The following OR5AN1 variants were observed in gnomAD, a reference collection of about 807,000 sequenced individuals.
OR5AN1 encodes the protein olfactory receptor 5AN1.
For missense variants in OR5AN1, 476 were observed against 368.9 expected (o/e 1.29, Z -2.38); for synonymous variants, 167 against 131.8 (o/e 1.27, Z -1.83).
rs1180868361 is a variant in OR5AN1 at position 59,358,964 on chromosome 11, A to G, written c.-322A>G. 6.6e-6 allele frequency: 1 copy of G among 152,216 alleles called. No homozygotes were observed. The highest frequency in any genetic ancestry group is 1.5e-5 in the Non-Finnish European group (1 of 68,034). The allele number at this position is 152,216 out of a possible 1,614,324, so 9.4% of individuals were successfully genotyped here. The stretch of plus-strand genomic sequence containing the variant: ...GCCCATCTTGGAGTGTGATACGCCC[A>G]CCTGAAAAATTCCATTGGAAAAGAA... On this transcript the variant is annotated 5_prime_UTR_variant, in exon 1 of 2. Transcript: ENST00000641998.
intron 1 of OR5AN1, among the ~76,000 whole-genome samples, chr11:59,362,439 A>G (rs1857474931): frequency 6.6e-6 from 1 of 152,222 alleles, no homozygotes; most frequent in Non-Finnish European, 1.5e-5. Context: ...GACCATTTAT[A>G]GAAGAGTTTG....
intron 1 of OR5AN1, among the ~76,000 whole-genome samples, chr11:59,363,765 T>A (rs566129286): frequency 6.6e-6 from 1 of 151,988 alleles, no homozygotes; most frequent in Non-Finnish European, 1.5e-5. Context: ...CTTTCATAAT[T>A]TTTGTTGTTG....
At chr11:59,363,298 GT>G (rs1199515946) in intron 1 of OR5AN1, among the ~76,000 whole-genome samples, 1 of 152,162 alleles carries the variant, frequency 6.6e-6, no homozygotes, top group African/African-American at 2.4e-5. Context: ...ATTATTAGTA[GT>G]AAATTAAGCT....
In OR5AN1 at chr11:59,364,841, G is replaced by T; in HGVS notation, c.383G>T (p.Cys128Phe). Residue 128 changes from cysteine (C) to phenylalanine (F), a missense_variant, in exon 2 of 2, where the codon TGT (cysteine) becomes TTT (phenylalanine). Coordinates refer to ENST00000641998, the MANE Select transcript of OR5AN1 (RefSeq NM_001004729.2). ...AMAYDRYAAI[C>F]NPLLYSSIMS... ...GCTTATGATCGTTATGCTGCCATTT[G>T]TAACCCCCTGCTCTATTCATCCATC... 6.2e-7 allele frequency: 1 copy of T among 1,613,858 alleles called. No individual in the cohort carries two copies. Among genetic ancestry groups the T allele is most frequent in the Non-Finnish European group, 8.5e-7 (1 of 1,179,874 alleles).
rs948674008 is a variant in OR5AN1 at position 59,367,569 on chromosome 11, A to G, written c.*2175A>G. The G allele has an allele frequency of 6.6e-6, 1 of 152,288 alleles. No individual in the cohort carries two copies. The highest frequency in any genetic ancestry group is 1.5e-5 in the Non-Finnish European group (1 of 68,114). The allele number at this position is 152,288 out of a possible 1,614,324, so 9.4% of individuals were successfully genotyped here. On this transcript the variant is annotated 3_prime_UTR_variant, in exon 2 of 2. Transcript: ENST00000641998. The stretch of plus-strand genomic sequence containing the variant: ...CTTGGAATTCCAGACAGCTACCAGT[A>G]GTGGCATTGTACCTCCCTAAGAAGG...
At position 59,365,057 on chromosome 11, in the gene OR5AN1, C is replaced by T; in HGVS notation, c.599C>T (p.Thr200Ile). 1 of 1,614,048 alleles carries T rather than the reference C, an allele frequency of 6.2e-7. No individual in the cohort carries two copies. Residue 200 changes from threonine to isoleucine, a missense_variant, in exon 2 of 2, where the codon ACT becomes ATT. Coordinates refer to ENST00000641998, the MANE Select transcript of OR5AN1 (RefSeq NM_001004729.2). ...CTDTFFVQVM[T>I]AILTMFFGIA... ...GACACTTTCTTTGTACAGGTCATGA[C>T]TGCTATATTAACCATGTTCTTTGGG...
In OR5AN1 at chr11:59,364,686, C is replaced by A. The variant is rs751488572; in HGVS notation, c.228C>A (p.Ser76Arg). 6.2e-7 allele frequency: 1 copy of A among 1,613,732 alleles called. No homozygotes were observed. Among genetic ancestry groups the A allele is most frequent in the South Asian group, 1.1e-5 (1 of 91,000 alleles). ...NLSFIDVCYI[S>R]STVPKMLSNL... Reference sequence around the variant, plus strand: ...CCTTCATAGATGTCTGCTATATCAGCTCCACAGTCCCCAAGATGCTCTCCA... The same window carrying A: ...CCTTCATAGATGTCTGCTATATCAGATCCACAGTCCCCAAGATGCTCTCCA... Residue 76 changes from serine (S) to arginine (R), a missense_variant, in exon 2 of 2, where the codon AGC becomes AGA. Physicochemically the swap from Ser to Arg is moderately radical, Grantham distance 110. Coordinates refer to ENST00000641998, the MANE Select transcript of OR5AN1 (RefSeq NM_001004729.2).
Position 59,367,726 on chromosome 11 carries a change from C to T in OR5AN1, c.*2332C>T, listed in dbSNP as rs1447827452. ...CCCAGCCTAGCACAACACAGCTGCT[C>T]TACCCAAACATAGCCAGACTATGCT... On this transcript the variant is annotated 3_prime_UTR_variant, in exon 2 of 2. Coordinates refer to ENST00000641998, the MANE Select transcript of OR5AN1 (RefSeq NM_001004729.2). The T allele has an allele frequency of 1.3e-5, 2 of 152,318 alleles. No individual in the cohort carries two copies. Among genetic ancestry groups the T allele is most frequent in the Non-Finnish European group, 2.9e-5 (2 of 68,186 alleles). The allele number at this position is 152,318 out of a possible 1,614,324, so 9.4% of individuals were successfully genotyped here. A position where few individuals can be genotyped will look rare whatever the true frequency, so the allele number is the denominator to read the frequency against.
In OR5AN1 at chr11:59,368,930, A is replaced by G. The variant is rs1590584648; in HGVS notation, c.*3536A>G. 1 of 152,196 alleles carries G rather than the reference A, an allele frequency of 6.6e-6. No individual in the cohort carries two copies. The highest frequency in any genetic ancestry group is 1.9e-4 in the East Asian group (1 of 5,200). 9.4% of individuals were successfully genotyped at this position (152,196 alleles called of 1,614,324 possible). On this transcript the variant is annotated 3_prime_UTR_variant, in exon 2 of 2. Transcript: ENST00000641998. The stretch of plus-strand genomic sequence containing the variant: ...ACATAGGGGAGCCACACAACAGAAC[A>G]AGAGTCTTCCAGCTGTCCTGTAAGC...
rs139420612 is a variant in OR5AN1 at position 59,367,547 on chromosome 11, G to C, written c.*2153G>C. The stretch of plus-strand genomic sequence containing the variant: ...CTCACAAGATAAGATCCACTGGCTT[G>C]GAATTCCAGACAGCTACCAGTAGTG... On this transcript the variant is annotated 3_prime_UTR_variant, in exon 2 of 2. Coordinates refer to ENST00000641998, the MANE Select transcript of OR5AN1 (RefSeq NM_001004729.2). 3.1e-3 allele frequency: 465 copies of C among 152,432 alleles called. 2 individuals are homozygous for C. The highest frequency in any genetic ancestry group is 4.7e-3 in the Non-Finnish European group (320 of 68,142). 9.4% of individuals were successfully genotyped at this position (152,432 alleles called of 1,614,324 possible).
intron 1 of OR5AN1, chr11:59,359,630 T>C (rs1042258218): frequency 1.8e-4 from 27 of 152,194 alleles, no homozygotes; most frequent in Non-Finnish European, 4.4e-5. Context: ...ACACTGAGTC[T>C]TAATGATATG....
chr11:59,361,532 C>T (rs1453012744), intron 1 of OR5AN1, among the ~76,000 whole-genome samples: 2 of 152,232 alleles, frequency 1.3e-5, no homozygotes, highest in Admixed American at 1.3e-4. Flanking sequence ...CCACCTGCCT[C>T]GGCCTCCCAT....
Position 59,365,363 on chromosome 11 carries a change from T to C in OR5AN1, c.905T>C (p.Leu302Ser), listed in dbSNP as rs551614545. ...SLRNKEIKDALKRLQKRKCC is the reference protein window; with the variant it reads ...SLRNKEIKDASKRLQKRKCC Reference sequence around the variant, plus strand: ...AGGAACAAAGAAATTAAAGATGCCTTAAAGAGGTTGCAAAAGAGAAAGTGC... The same window carrying C: ...AGGAACAAAGAAATTAAAGATGCCTCAAAGAGGTTGCAAAAGAGAAAGTGC... Residue 302 changes from leucine (L) to serine (S), a missense_variant, in exon 2 of 2, where the codon TTA (leucine) becomes TCA (serine). Physicochemically the swap from Leu to Ser is moderately radical, Grantham distance 145. Coordinates refer to ENST00000641998, the MANE Select transcript of OR5AN1 (RefSeq NM_001004729.2). 2.5e-6 allele frequency: 4 copies of C among 1,601,596 alleles called. No homozygotes were observed. In the South Asian group the frequency reaches 4.5e-5, roughly 18 times the overall value.
At position 59,365,483 on chromosome 11, in the gene OR5AN1, T is replaced by C. The variant is rs1857520974; in HGVS notation, c.*89T>C. On this transcript the variant is annotated 3_prime_UTR_variant, in exon 2 of 2. Transcript: ENST00000641998. ...TGATAATGAATGGACTATAACAAAA[T>C]TCATGCTGCCTACTGCCTTTGGACA... 1.3e-6 allele frequency: 1 copy of C among 783,312 alleles called. No individual in the cohort carries two copies. The highest frequency in any genetic ancestry group is 2.7e-5 in the East Asian group (1 of 37,624). 48.5% of individuals were successfully genotyped at this position (783,312 alleles called of 1,614,324 possible).
In OR5AN1 at chr11:59,368,688, C is replaced by T. The variant is rs1176353322; in HGVS notation, c.*3294C>T. 6.6e-6 allele frequency: 1 copy of T among 152,300 alleles called. No individual in the cohort carries two copies. The highest frequency in any genetic ancestry group is 2.4e-5 in the African/African-American group (1 of 41,444). The allele number at this position is 152,300 out of a possible 1,614,324, so 9.4% of individuals were successfully genotyped here. On this transcript the variant is annotated 3_prime_UTR_variant, in exon 2 of 2. Transcript: ENST00000641998. ...ACCTGCATCTCTCTGGGGTGGAGCC[C>T]CCAGGAGTCAAACAAATGACCCTTA...
In OR5AN1 at chr11:59,367,026, T is replaced by C. The variant is rs781638965; in HGVS notation, c.*1632T>C. 16 of 152,194 alleles carry C rather than the reference T, an allele frequency of 1.1e-4. No individual in the cohort carries two copies. Among genetic ancestry groups the C allele is most frequent in the Non-Finnish European group, 2.4e-4 (16 of 68,026 alleles). The allele number at this position is 152,194 out of a possible 1,614,324, so 9.4% of individuals were successfully genotyped here. ...GGTACATATGAATAAAATAAAGCAA[T>C]ATTTATGAGATGTAGCCAAAGCTAA... On this transcript the variant is annotated 3_prime_UTR_variant, in exon 2 of 2. Coordinates refer to ENST00000641998, the MANE Select transcript of OR5AN1 (RefSeq NM_001004729.2).
rs1590579298 is a variant in OR5AN1, at chr11:59,359,207, C to T, written c.-79C>T. 1 of 152,154 alleles carries T rather than the reference C, an allele frequency of 6.6e-6. No individual in the cohort carries two copies. The highest frequency in any genetic ancestry group is 1.9e-4 in the East Asian group (1 of 5,192). 9.4% of individuals were successfully genotyped at this position (152,154 alleles called of 1,614,324 possible). A position where few individuals can be genotyped will look rare whatever the true frequency, so the allele number is the denominator to read the frequency against. ...TCCACATTCTGTACCTAAAGCTCTTCGTTGGATTCTCTTACTCCTTACTCA... is the reference window on the plus strand; with the variant it reads ...TCCACATTCTGTACCTAAAGCTCTTTGTTGGATTCTCTTACTCCTTACTCA... On this transcript the variant is annotated 5_prime_UTR_variant, in exon 1 of 2. Coordinates refer to ENST00000641998, the MANE Select transcript of OR5AN1 (RefSeq NM_001004729.2).
intron 1 of OR5AN1, among the ~76,000 whole-genome samples, chr11:59,362,762 A>G (rs1490568220): frequency 6.6e-6 from 1 of 152,148 alleles, no homozygotes; most frequent in African/African-American, 2.4e-5. Context: ...TTTTACACCA[A>G]CCTAATACTA....
At chr11:59,363,148 C>T (rs959808415) in intron 1 of OR5AN1, among the ~76,000 whole-genome samples, 2 of 152,214 alleles carry the variant, frequency 1.3e-5, no homozygotes, top group Non-Finnish European at 2.9e-5. Flanking sequence ...TCATGATTAT[C>T]TGTAAGCAGT....
Sources: allele counts gnomAD v4.1 joint callset (sites outside exome capture counted in the v4.1 genomes callset), GRCh38; gene constraint gnomAD v4.1.1; transcripts MANE v1.5; gene names NCBI Gene and HGNC (gene_info 2026-07-23, HGNC 2026-07-21).